Variants in MTUS2 observed in about 807,000 individuals in gnomAD.
MTUS2 encodes microtubule-associated tumor suppressor candidate 2.
A neutral mutation model predicts 114.1 loss-of-function variants in MTUS2; 40 were observed. The ratio of observed to expected loss-of-function variants is 0.35; its 90% CI spans 0.27 to 0.46. The LOEUF is 0.46. MTUS2 is among the 20% of genes least tolerant of loss of function. MTUS2 has a pLI of 1.00. For missense variants in MTUS2, 1,679 were observed against 1,705.4 expected, an observed-to-expected ratio of 0.98 and a Z score of 0.27; for synonymous variants, 688 against 672.0, an observed-to-expected ratio of 1.02 and a Z score of -0.37.
chr13:29,205,559 C>T (rs1895150162), intron 5 of MTUS2, among the ~76,000 whole-genome samples: 1 of 152,206 alleles, frequency 6.6e-6, no homozygotes, highest in Non-Finnish European at 1.5e-5. Context: ...CCCTCACTCA[C>T]TTCCCACCCA....
chr13:29,166,987 C>T (rs1032579448), intron 5 of MTUS2, among the ~76,000 whole-genome samples: 1 of 152,144 alleles, frequency 6.6e-6, no homozygotes, highest in Non-Finnish European at 1.5e-5. Context: ...TCTACCAAGC[C>T]ATGTGTTTTA....
chr13:29,048,826 T>A (rs536771583), intron 4 of MTUS2, among the ~76,000 whole-genome samples: 304 of 152,296 alleles, frequency 2.0e-3, no homozygotes, highest in Non-Finnish European at 3.8e-3. Context: ...ACTGTCTTGC[T>A]GTGATGCTGT....
At chr13:29,055,652 G>A (rs764437024) in intron 4 of MTUS2, among the ~76,000 whole-genome samples, 59 of 151,940 alleles carry the variant, frequency 3.9e-4, no homozygotes, top group Non-Finnish European at 4.9e-4. Context: ...AAATGATCTC[G>A]TTCTTTTTTA....
intron 12 of MTUS2, among the ~76,000 whole-genome samples, chr13:29,495,930 G>A: frequency 6.6e-6 from 1 of 151,982 alleles, no homozygotes; most frequent in Non-Finnish European, 1.5e-5. Context: ...GTGTGTGTGT[G>A]TGTGTATCTA....
chr13:29,007,115 G>A (rs1478052733), intron 2 of MTUS2, among the ~76,000 whole-genome samples: 1 of 151,990 alleles, frequency 6.6e-6, no homozygotes, highest in Admixed American at 6.6e-5. Flanking sequence ...ATTTAAACTT[G>A]GAAAATCACA....
intron 5 of MTUS2, among the ~76,000 whole-genome samples, chr13:29,169,686 G>A (rs1270581513): frequency 2.0e-5 from 3 of 152,108 alleles, no homozygotes; most frequent in Admixed American, 6.6e-5. Context: ...TCACTTTGCT[G>A]TGCAAGTATT....
chr13:29,181,796 G>A (rs974829471), intron 5 of MTUS2, among the ~76,000 whole-genome samples: 1 of 149,372 alleles, frequency 6.7e-6, no homozygotes, highest in African/African-American at 2.5e-5. Flanking sequence ...TACTGTGTGT[G>A]TGTGTGTGTG....
intron 2 of MTUS2, among the ~76,000 whole-genome samples, chr13:28,853,777 G>C (rs1876451230): frequency 6.6e-6 from 1 of 151,822 alleles, no homozygotes; most frequent in African/African-American, 2.4e-5. Flanking sequence ...CTGTTTGTGT[G>C]AGAATTGCCT....
chr13:29,488,153 A>C, intron 11 of MTUS2, 148 bp downstream of exon 11: 1 of 636,108 alleles, frequency 1.6e-6, no homozygotes, highest in South Asian at 1.9e-5. Flanking sequence ...GGCTCCTGGG[A>C]AAAGAAGAGA....
intron 6 of MTUS2, among the ~76,000 whole-genome samples, chr13:29,316,601 G>A (rs1900001046): frequency 6.6e-6 from 1 of 152,214 alleles, no homozygotes; most frequent in Admixed American, 6.5e-5. Flanking sequence ...ATGGGCAGGT[G>A]AGCAGGCAGG....
chr13:29,148,578 A>G (rs1336152138), intron 5 of MTUS2, among the ~76,000 whole-genome samples: 1 of 73,958 alleles, frequency 1.4e-5, no homozygotes, highest in Non-Finnish European at 3.4e-5. Flanking sequence ...TCCCGGGTTC[A>G]CGCCATTCTC....
intron 2 of MTUS2, among the ~76,000 whole-genome samples, chr13:28,842,391 T>A (rs1875571456): frequency 6.6e-6 from 1 of 152,230 alleles, no homozygotes; most frequent in African/African-American, 2.4e-5. Flanking sequence ...TTGGATCTGA[T>A]GTTTGGCAGC....
chr13:28,824,217 T>C (rs2137924743), intron 1 of MTUS2, among the ~76,000 whole-genome samples: 1 of 152,328 alleles, frequency 6.6e-6, no homozygotes, highest in African/African-American at 2.4e-5. Context: ...CTGACTTTCA[T>C]TTTGTTAGAT....
intron 4 of MTUS2, among the ~76,000 whole-genome samples, chr13:29,088,462 G>A (rs1172458944): frequency 6.6e-6 from 1 of 152,226 alleles, no homozygotes; most frequent in Non-Finnish European, 1.5e-5. Context: ...ACATTGTTGT[G>A]TGGAGTGCTC....
chr13:28,867,012 ATAAT>A (rs1877339302), intron 2 of MTUS2, among the ~76,000 whole-genome samples: 1 of 152,250 alleles, frequency 6.6e-6, no homozygotes, highest in Non-Finnish European at 1.5e-5. Context: ...AGTTGCATAA[ATAAT>A]TCCTAAATCC....
chr13:28,905,355 G>A lies in MTUS2; in HGVS notation c.-243+65505G>A, dbSNP rs188514705. 1.2e-3 allele frequency among the ~76,000 whole-genome samples: 185 copies of A among 151,508 alleles called. 4 individuals are homozygous for A. Among genetic ancestry groups the A allele is most frequent in the Admixed American group, 0.011 (169 of 15,220 alleles). On this transcript the variant is annotated intron_variant, in intron 2 of 15. Transcript: ENST00000612955. ...GCCTCTTTTCGAAGGGAATGCTTCC[G>A]GTTTTTGTCCATTCAGTATGATATT... is the stretch of plus-strand genomic sequence containing the variant.
At chr13:29,386,145 C>T (rs1872615915) in intron 8 of MTUS2, among the ~76,000 whole-genome samples, 1 of 152,176 alleles carries the variant, frequency 6.6e-6, no homozygotes, top group African/African-American at 2.4e-5. Flanking sequence ...AGACCCTCAT[C>T]AGGAAAAATC....
chr13:29,147,747 T>G (rs757936337), intron 5 of MTUS2, among the ~76,000 whole-genome samples: 1 of 152,196 alleles, frequency 6.6e-6, no homozygotes, highest in East Asian at 1.9e-4. Flanking sequence ...GCTGCCTCCA[T>G]GTTGCTGCAA....
intron 5 of MTUS2, among the ~76,000 whole-genome samples, chr13:29,124,414 T>TA (rs943100424): frequency 6.6e-6 from 1 of 152,098 alleles, no homozygotes; most frequent in African/African-American, 2.4e-5. Context: ...CTATTTTTTT[T>TA]AAAAAGCCCA....
Sources: allele counts gnomAD v4.1 joint callset (sites outside exome capture counted in the v4.1 genomes callset), GRCh38; gene constraint gnomAD v4.1.1; transcripts MANE v1.5; gene names NCBI Gene and HGNC (gene_info 2026-07-23, HGNC 2026-07-21).